The following ARB2A variants were observed in gnomAD, a reference collection of about 807,000 sequenced individuals.
ARB2A encodes the protein cotranscriptional regulator ARB2A.
chr5:93,689,019 G>A, the ARB2A span, among the ~76,000 whole-genome samples: 4,817 of 152,146 alleles, frequency 0.032, 241 homozygotes, highest in African/African-American at 0.11. Context: ...CCCTTTCTTA[G>A]AATCCCTTTT....
At chr5:93,784,572 G>T in the ARB2A span, 1 of 1,052,024 alleles carries the variant, frequency 9.5e-7, no homozygotes, top group Non-Finnish European at 1.4e-6. Context: ...CTTAGTCAGA[G>T]ATAACAATAA....
At chr5:93,917,824 G>A in the ARB2A span, among the ~76,000 whole-genome samples, 1 of 152,136 alleles carries the variant, frequency 6.6e-6, no homozygotes, top group African/African-American at 2.4e-5. Context: ...GTAGCAGTGG[G>A]CTGTGATTGC....
the ARB2A span, among the ~76,000 whole-genome samples, chr5:94,004,998 CAA>C: frequency 6.4e-4 from 8 of 12,550 alleles, no homozygotes; most frequent in African/African-American, 1.8e-3. Context: ...ATTTTATCAG[CAA>C]AAAAAAAAAA....
At chr5:93,859,087 T>TA in the ARB2A span, among the ~76,000 whole-genome samples, 4 of 151,952 alleles carry the variant, frequency 2.6e-5, no homozygotes, top group Non-Finnish European at 5.9e-5. Context: ...AACCCAGGAA[T>TA]AAAGGCAAGA....
the ARB2A span, among the ~76,000 whole-genome samples, chr5:93,786,911 G>A: frequency 6.6e-6 from 1 of 152,086 alleles, no homozygotes; most frequent in East Asian, 1.9e-4. Context: ...AAGCACAGCT[G>A]GGCAGGAAAA....
chr5:93,981,680 T>C, the ARB2A span, among the ~76,000 whole-genome samples: 2 of 151,930 alleles, frequency 1.3e-5, no homozygotes, highest in African/African-American at 2.4e-5. Flanking sequence ...TTAATATACA[T>C]GGTATTCTTA....
At chr5:93,696,819 C>T in the ARB2A span, among the ~76,000 whole-genome samples, 83 of 151,984 alleles carry the variant, frequency 5.5e-4, no homozygotes, top group Non-Finnish European at 2.1e-4. Flanking sequence ...CCCAGCACTT[C>T]GGGAGGCGGA....
the ARB2A span, among the ~76,000 whole-genome samples, chr5:93,732,933 T>C: frequency 6.6e-6 from 1 of 152,124 alleles, no homozygotes; most frequent in African/African-American, 2.4e-5. Flanking sequence ...TTTATATTTT[T>C]TTCTCTATGT....
At chr5:93,695,068 C>T in the ARB2A span, among the ~76,000 whole-genome samples, 1 of 152,128 alleles carries the variant, frequency 6.6e-6, no homozygotes, top group South Asian at 2.1e-4. Flanking sequence ...AAACATAAGA[C>T]CTAAATCCAT....
chr5:93,621,208 C>A, the ARB2A span: 5 of 1,374,186 alleles, frequency 3.6e-6, no homozygotes, highest in Non-Finnish European at 1.9e-6. Context: ...CCAGGCCGAG[C>A]CCCGGCTCCC....
the ARB2A span, among the ~76,000 whole-genome samples, chr5:93,923,326 G>A: frequency 2.6e-5 from 4 of 152,108 alleles, no homozygotes; most frequent in Non-Finnish European, 5.9e-5. Flanking sequence ...AATTTGGGGG[G>A]AGTCAAAAGT....
At chr5:93,715,055 C>T in the ARB2A span, among the ~76,000 whole-genome samples, 1 of 152,098 alleles carries the variant, frequency 6.6e-6, no homozygotes, top group African/African-American at 2.4e-5. Context: ...TCCATTCCTC[C>T]CTTAATTAAC....
the ARB2A span, among the ~76,000 whole-genome samples, chr5:93,956,065 A>G: frequency 2.6e-5 from 4 of 152,356 alleles, no homozygotes; most frequent in East Asian, 5.8e-4. Context: ...TGCAATGAAG[A>G]TTGTCAAACA....
At chr5:94,045,884 C>A in the ARB2A span, among the ~76,000 whole-genome samples, 1 of 151,980 alleles carries the variant, frequency 6.6e-6, no homozygotes, top group East Asian at 1.9e-4. Context: ...TTAACGTTGT[C>A]TTAAATCATT....
At chr5:93,826,291 T>C in the ARB2A span, among the ~76,000 whole-genome samples, 1 of 152,376 alleles carries the variant, frequency 6.6e-6, no homozygotes, top group African/African-American at 2.4e-5. Context: ...AAGAATGTCA[T>C]GGATATTAGA....
At chr5:93,976,106 G>C in the ARB2A span, among the ~76,000 whole-genome samples, 20 of 151,996 alleles carry the variant, frequency 1.3e-4, no homozygotes, top group Non-Finnish European at 2.8e-4. Context: ...CAATAAATGT[G>C]ATTCATTACA....
chr5:93,986,420 C>T, the ARB2A span, among the ~76,000 whole-genome samples: 4 of 148,110 alleles, frequency 2.7e-5, no homozygotes, highest in Admixed American at 1.3e-4. Context: ...CGCCTCTGCC[C>T]GGCTGCCCCA....
chr5:93,649,008 T>A, the ARB2A span, among the ~76,000 whole-genome samples: 6 of 152,196 alleles, frequency 3.9e-5, no homozygotes, highest in Non-Finnish European at 8.8e-5. Context: ...GTTCTACCTA[T>A]GTTTGTTACA....
the ARB2A span, among the ~76,000 whole-genome samples, chr5:94,064,571 G>C: frequency 5.5e-4 from 84 of 152,226 alleles, no homozygotes; most frequent in Admixed American, 1.2e-3. Context: ...GTCAAAGAAA[G>C]AATTCTAAAA....
Sources: allele counts gnomAD v4.1 joint callset (sites outside exome capture counted in the v4.1 genomes callset), GRCh38; gene constraint gnomAD v4.1.1; transcripts MANE v1.5; gene names NCBI Gene and HGNC (gene_info 2026-07-23, HGNC 2026-07-21).